The following DEPDC5 variants were observed in gnomAD, a reference collection of about 807,000 sequenced individuals.
DEPDC5 encodes GATOR1 complex protein DEPDC5.
Under a neutral mutation model 217.3 loss-of-function variants are expected in DEPDC5, and 73 were observed. The ratio of observed to expected loss-of-function variants is 0.34; its 90% CI spans 0.28 to 0.41. The LOEUF (loss-of-function observed/expected upper bound fraction) is 0.41. DEPDC5 is among the 10% of genes least tolerant of loss of function. The pLI, the probability that DEPDC5 is intolerant of heterozygous loss-of-function variation, is 1.00. For synonymous variants in DEPDC5, 733 were observed against 756.7 expected (o/e 0.97, Z 0.51); for missense variants, 1,675 against 2,070.1 (o/e 0.81, Z 3.70).
intron 2 of DEPDC5, 115 bp from the exon 3 acceptor site, chr22:31,758,431 C>CA: frequency 1.2e-6 from 1 of 849,376 alleles, no homozygotes; most frequent in South Asian, 1.4e-5. Context: ...AATAGAACCT[C>CA]ATCTGTCAAT....
At chr22:31,827,588 C>T (rs980791828) in intron 24 of DEPDC5, among the ~76,000 whole-genome samples, 1 of 152,154 alleles carries the variant, frequency 6.6e-6, no homozygotes, top group African/African-American at 2.4e-5. Context: ...AACTTCTCTG[C>T]ACAAAATTTT....
chr22:31,854,362 G>A (rs974460901), intron 31 of DEPDC5, among the ~76,000 whole-genome samples: 3 of 152,206 alleles, frequency 2.0e-5, no homozygotes, highest in Non-Finnish European at 4.4e-5. Flanking sequence ...GAATCTCACA[G>A]CATGCATTTG....
intron 22 of DEPDC5, among the ~76,000 whole-genome samples, chr22:31,820,486 C>A (rs2089584890): frequency 6.6e-6 from 1 of 152,094 alleles, no homozygotes; most frequent in African/African-American, 2.4e-5. Context: ...TTTGTACTTG[C>A]CTTTAATATT....
intron 20 of DEPDC5, chr22:31,814,762 A>G (rs543684500): frequency 3.4e-5 from 19 of 555,242 alleles, no homozygotes; most frequent in Non-Finnish European, 5.2e-5. Context: ...CTTTACAACT[A>G]TGATCCTAGG....
At chr22:31,801,140 TA>T (rs1303479641) in intron 14 of DEPDC5, among the ~76,000 whole-genome samples, 1 of 151,426 alleles carries the variant, frequency 6.6e-6, no homozygotes, top group East Asian at 1.9e-4. Context: ...TAAAAATACA[TA>T]AAAAACTTGC....
chr22:31,861,223 GTT>G, intron 32 of DEPDC5, 143 bp from the exon 33 acceptor site: 1 of 408,110 alleles, frequency 2.5e-6, no homozygotes. Context: ...ATATGTCCTT[GTT>G]TCTCTCCTTC....
intron 2 of DEPDC5, among the ~76,000 whole-genome samples, chr22:31,756,209 G>A (rs1259616517): frequency 6.6e-6 from 1 of 151,942 alleles, no homozygotes; most frequent in East Asian, 1.9e-4. Flanking sequence ...GTATTTTAGG[G>A]TGTATTTACT....
intron 31 of DEPDC5, among the ~76,000 whole-genome samples, 162 bp from the exon 32 acceptor site, chr22:31,857,283 A>G (rs765815840): frequency 2.6e-5 from 4 of 152,226 alleles, no homozygotes; most frequent in Non-Finnish European, 4.4e-5. Context: ...GTTCAGCACA[A>G]TGAATGAAAT....
At chr22:31,771,523 C>T (rs925090318) in intron 7 of DEPDC5, among the ~76,000 whole-genome samples, 1 of 151,342 alleles carries the variant, frequency 6.6e-6, no homozygotes, top group African/African-American at 2.4e-5. Flanking sequence ...AGATCGAGAC[C>T]ATCCTGGGTA....
At position 31,754,947 on chromosome 22, in the gene DEPDC5, T is replaced by C; in HGVS notation, c.26T>C (p.Leu9Pro). The C allele has an allele frequency of 6.2e-7, 1 of 1,614,194 alleles. No individual in the cohort carries two copies. The highest frequency in any genetic ancestry group is 8.5e-7 in the Non-Finnish European group (1 of 1,180,028). Residue 9 changes from leucine to proline, a missense_variant, in exon 2 of 43, where the codon CTC (leucine) becomes CCC (proline). Transcript: ENST00000651528. ...ATGAGAACAACAAAGGTCTACAAAC[T>C]CGTCATCCACAAGAAGGGCTTTGGG... MRTTKVYK[L>P]VIHKKGFGGS...
intron 3 of DEPDC5, among the ~76,000 whole-genome samples, chr22:31,759,344 C>T (rs1479629370): frequency 6.6e-6 from 1 of 151,610 alleles, no homozygotes; most frequent in Non-Finnish European, 1.5e-5. Flanking sequence ...CATGAGCCAC[C>T]ATACCGAGCC....
chr22:31,899,948 G>A (rs1684527444), intron 40 of DEPDC5, among the ~76,000 whole-genome samples: 1 of 152,160 alleles, frequency 6.6e-6, no homozygotes, highest in African/African-American at 2.4e-5. Flanking sequence ...CTTGCAGAAG[G>A]CATGAGGCTG....
intron 22 of DEPDC5, among the ~76,000 whole-genome samples, chr22:31,821,294 G>A (rs2089674281): frequency 6.6e-6 from 1 of 152,254 alleles, no homozygotes; most frequent in South Asian, 2.1e-4. Flanking sequence ...TAACAGATTA[G>A]ACAGGATGAT....
intron 7 of DEPDC5, among the ~76,000 whole-genome samples, chr22:31,773,746 T>C (rs2083563471): frequency 6.6e-6 from 1 of 152,178 alleles, no homozygotes; most frequent in African/African-American, 2.4e-5. Flanking sequence ...TTCCCTGCAA[T>C]TTAACTTTCA....
intron 34 of DEPDC5, 189 bp from the exon 35 acceptor site, chr22:31,873,066 T>C (rs2149248065): frequency 8.6e-7 from 1 of 1,168,412 alleles, no homozygotes; most frequent in South Asian, 1.6e-5. Flanking sequence ...TAAATGTGTA[T>C]ATTTTAAAAT....
At chr22:31,863,915 T>TC (rs2092598651) in intron 33 of DEPDC5, among the ~76,000 whole-genome samples, 2 of 148,096 alleles carry the variant, frequency 1.4e-5, no homozygotes, top group African/African-American at 5.1e-5. Context: ...AGAGTGAGAC[T>TC]CCATCTGAAA....
intron 9 of DEPDC5, 33 bp from the exon 10 acceptor site, chr22:31,784,781 T>G: frequency 1.3e-6 from 2 of 1,593,590 alleles, no homozygotes; most frequent in South Asian, 1.1e-5. Context: ...ATTGTTCTCA[T>G]GTTCTCATCC....
Position 31,815,835 on chromosome 22 carries a change from T to G in DEPDC5, c.1666+623T>G, listed in dbSNP as rs149192409. The G allele has an allele frequency of 5.1e-3, 5,939 of 1,167,178 alleles. 15 individuals carry two copies. The highest frequency in any genetic ancestry group is 5.7e-3 in the Non-Finnish European group (5,373 of 947,838). 72.3% of individuals were successfully genotyped at this position (1,167,178 alleles called of 1,614,324 possible). On this transcript the variant is annotated intron_variant, in intron 21 of 42. Transcript: ENST00000651528. Reference sequence around the variant, plus strand: ...TGAACCAATGTTACCGCACCCTGCCTCTATTATACTATTTTTTGTTTAGCC... The same window carrying G: ...TGAACCAATGTTACCGCACCCTGCCGCTATTATACTATTTTTTGTTTAGCC...
At chr22:31,889,572 CAG>C in intron 38 of DEPDC5, among the ~76,000 whole-genome samples, 1 of 121,198 alleles carries the variant, frequency 8.3e-6, no homozygotes, top group Non-Finnish European at 1.6e-5. Context: ...TTTTTCCAGA[CAG>C]AGTCTCGCTC....
Sources: gnomAD v4.1 joint callset for allele counts (sites outside exome capture counted in the v4.1 genomes callset) on GRCh38, gnomAD v4.1.1 for gene constraint, MANE v1.5 for transcripts, NCBI Gene and HGNC (gene_info 2026-07-23, HGNC 2026-07-21) for gene names.